DLGAP2: variants seen among roughly 807,000 people sequenced by gnomAD.
DLGAP2 encodes the protein DLG associated protein 2.
DLGAP2 carries 26 observed loss-of-function variants against 100.3 expected under a neutral mutation model. The observed-to-expected ratio is 0.26, with a 90% CI of 0.19 to 0.36. The LOEUF (loss-of-function observed/expected upper bound fraction) is 0.36, where lower values mean the gene tolerates loss of function less well. Among genes scored for constraint, DLGAP2 ranks in the 10% least tolerant of loss-of-function variants. DLGAP2 has a pLI of 1.00. For synonymous variants in DLGAP2, 886 were observed against 630.1 expected (o/e 1.41, Z -6.08); for missense variants, 1,858 against 1,453.2 (o/e 1.28, Z -4.53).
At chr8:1,578,090 G>A (rs980743748) in intron 6 of DLGAP2, among the ~76,000 whole-genome samples, 1 of 152,190 alleles carries the variant, frequency 6.6e-6, no homozygotes, top group East Asian at 1.9e-4. Context: ...GAAAGTAATT[G>A]GATACAGTGC....
intron 8 of DLGAP2, among the ~76,000 whole-genome samples, chr8:1,645,120 A>G (rs956027478): frequency 5.3e-5 from 8 of 152,184 alleles, no homozygotes; most frequent in Non-Finnish European, 1.2e-4. Flanking sequence ...GAATGAATCA[A>G]ATGAATGAAT....
intron 2 of DLGAP2, among the ~76,000 whole-genome samples, chr8:1,183,279 T>C (rs1362461511): frequency 6.6e-6 from 1 of 152,140 alleles, no homozygotes; most frequent in African/African-American, 2.4e-5. Flanking sequence ...GACTCCAGAA[T>C]AATATCAGTT....
At chr8:892,262 C>T (rs996026221) in intron 1 of DLGAP2, among the ~76,000 whole-genome samples, 18 of 152,200 alleles carry the variant, frequency 1.2e-4, no homozygotes, top group East Asian at 1.9e-4. Context: ...AGGCTCATAG[C>T]GGCTTGTGCA....
chr8:787,473 T>G (rs1347232341), intron 1 of DLGAP2, among the ~76,000 whole-genome samples: 1 of 152,162 alleles, frequency 6.6e-6, no homozygotes, highest in African/African-American at 2.4e-5. Flanking sequence ...CCTGTGCCTG[T>G]TTTGAAGGAA....
chr8:814,499 A>G (rs1796427324), intron 1 of DLGAP2, among the ~76,000 whole-genome samples: 1 of 152,182 alleles, frequency 6.6e-6, no homozygotes, highest in Non-Finnish European at 1.5e-5. Context: ...TGGATCCTGG[A>G]TTCAGACCCT....
At chr8:1,083,612 T>A (rs1193353775) in intron 2 of DLGAP2, among the ~76,000 whole-genome samples, 1 of 152,178 alleles carries the variant, frequency 6.6e-6, no homozygotes, top group Non-Finnish European at 1.5e-5. Flanking sequence ...ACTGATGTAG[T>A]GAAATGTTGA....
intron 2 of DLGAP2, among the ~76,000 whole-genome samples, chr8:983,370 G>A (rs541541997): frequency 4.0e-5 from 6 of 150,452 alleles, no homozygotes; most frequent in African/African-American, 9.8e-5. Flanking sequence ...TAGAATCCAC[G>A]TGTTGGTGGA....
chr8:1,122,231 G>A (rs7001870), intron 2 of DLGAP2, among the ~76,000 whole-genome samples: 41,851 of 152,074 alleles, frequency 0.28, 6,819 homozygotes, highest in Non-Finnish European at 0.38. Flanking sequence ...ACATCACTGG[G>A]TGACCCTGTT....
At chr8:1,316,884 T>G (rs1800766743) in intron 3 of DLGAP2, among the ~76,000 whole-genome samples, 1 of 130,746 alleles carries the variant, frequency 7.6e-6, no homozygotes, top group Non-Finnish European at 1.6e-5. Flanking sequence ...CTCGGCAGCT[T>G]TTAAAAATAG....
At chr8:1,041,065 G>C (rs541602102) in intron 2 of DLGAP2, among the ~76,000 whole-genome samples, 1 of 152,320 alleles carries the variant, frequency 6.6e-6, no homozygotes. Flanking sequence ...TGAGTTACCA[G>C]AAATGGTGCA....
At chr8:1,517,083 G>A (rs141043148) in intron 4 of DLGAP2, among the ~76,000 whole-genome samples, 5 of 152,286 alleles carry the variant, frequency 3.3e-5, no homozygotes, top group African/African-American at 4.8e-5. Flanking sequence ...CATCTTGAAG[G>A]CCGCAGCCTC....
intron 1 of DLGAP2, among the ~76,000 whole-genome samples, chr8:870,273 A>G (rs367794502): frequency 1.3e-5 from 2 of 152,262 alleles, no homozygotes; most frequent in East Asian, 1.9e-4. Flanking sequence ...GGTTATTACA[A>G]TCATGCAGAT....
At chr8:1,593,097 C>T (rs7844197) in intron 6 of DLGAP2, among the ~76,000 whole-genome samples, 7,742 of 152,020 alleles carry the variant, frequency 0.051, 646 homozygotes, top group African/African-American at 0.17. Context: ...AGGTCTGGGC[C>T]CTCCTTCCCC....
chr8:1,141,261 G>C (rs1796517827), intron 2 of DLGAP2, among the ~76,000 whole-genome samples: 1 of 152,268 alleles, frequency 6.6e-6, no homozygotes, highest in East Asian at 1.9e-4. Flanking sequence ...TTTCAACTGA[G>C]CGTTGAAAGT....
At chr8:879,975 A>G (rs370057289) in intron 1 of DLGAP2, among the ~76,000 whole-genome samples, 4 of 151,924 alleles carry the variant, frequency 2.6e-5, no homozygotes, top group East Asian at 1.9e-4. Context: ...CTCCTTCTTT[A>G]CTCATTTGAT....
At chr8:1,570,596 A>G (rs1802614818) in intron 6 of DLGAP2, among the ~76,000 whole-genome samples, 1 of 152,206 alleles carries the variant, frequency 6.6e-6, no homozygotes, top group Admixed American at 6.5e-5. Context: ...GTAATGCCCA[A>G]GAGGCTGGCT....
chr8:865,165 G>C (rs1286524541), intron 1 of DLGAP2, among the ~76,000 whole-genome samples: 1 of 152,222 alleles, frequency 6.6e-6, no homozygotes, highest in African/African-American at 2.4e-5. Context: ...GGCCCACCAG[G>C]ACGACGGGTG....
intron 3 of DLGAP2, among the ~76,000 whole-genome samples, chr8:1,318,605 C>T (rs1046808038): frequency 1.5e-4 from 23 of 151,636 alleles, no homozygotes; most frequent in East Asian, 9.7e-4. Flanking sequence ...ATTCCCCCGC[C>T]GATGTCGAAA....
intron 7 of DLGAP2, among the ~76,000 whole-genome samples, chr8:1,629,578 A>G (rs1797592716): frequency 6.6e-6 from 1 of 152,274 alleles, no homozygotes; most frequent in Admixed American, 6.5e-5. Flanking sequence ...AAAGTCAGTG[A>G]TACATTTTAA....
Sources: allele counts gnomAD v4.1 joint callset (sites outside exome capture counted in the v4.1 genomes callset), GRCh38; gene constraint gnomAD v4.1.1; transcripts MANE v1.5; gene names NCBI Gene and HGNC (gene_info 2026-07-23, HGNC 2026-07-21).